Variants in CLMP observed in about 807,000 individuals in gnomAD.
CLMP encodes CXADR like cell adhesion molecule.
CLMP carries 27 observed loss-of-function variants against 45.2 expected under a neutral mutation model. The ratio of observed to expected loss-of-function variants is 0.60; its 90% CI spans 0.44 to 0.82. CLMP has a LOEUF of 0.82. CLMP is among the 40% of genes least tolerant of loss of function. The pLI, the probability that CLMP is intolerant of heterozygous loss-of-function variation, is 0.00. For missense variants in CLMP, 403 were observed against 448.4 expected (o/e 0.90, Z 0.91); for synonymous variants, 167 against 171.4 (o/e 0.97, Z 0.20).
intron 2 of CLMP, among the ~76,000 whole-genome samples, chr11:123,094,255 C>T (rs751730326): frequency 1.9e-4 from 29 of 152,226 alleles, no homozygotes; most frequent in South Asian, 6.2e-4. Context: ...TATAGGCCTG[C>T]GCCACCATGC....
intron 1 of CLMP, among the ~76,000 whole-genome samples, chr11:123,137,115 T>C: frequency 6.6e-6 from 1 of 151,896 alleles, no homozygotes. Context: ...ATGCTGACTT[T>C]TCCTTGCAGA....
At chr11:123,154,264 G>A (rs1025633719) in intron 1 of CLMP, among the ~76,000 whole-genome samples, 13 of 152,040 alleles carry the variant, frequency 8.6e-5, no homozygotes, top group African/African-American at 2.2e-4. Context: ...ACTCTTACTC[G>A]TCAATGAGAA....
At chr11:123,126,199 A>G (rs1467021860) in intron 1 of CLMP, among the ~76,000 whole-genome samples, 6 of 152,276 alleles carry the variant, frequency 3.9e-5, no homozygotes, top group Non-Finnish European at 8.8e-5. Context: ...TCATGCCTAT[A>G]TAGTGTCTCA....
intron 1 of CLMP, among the ~76,000 whole-genome samples, chr11:123,173,799 G>A (rs1183453453): frequency 6.6e-6 from 1 of 152,104 alleles, no homozygotes; most frequent in East Asian, 1.9e-4. Context: ...TTCCAGGCCT[G>A]GGCTGAGTGC....
At chr11:123,113,008 T>C (rs984674445) in intron 1 of CLMP, among the ~76,000 whole-genome samples, 5 of 151,846 alleles carry the variant, frequency 3.3e-5, no homozygotes, top group South Asian at 2.1e-4. Context: ...CTCCTGACCT[T>C]GTGATCTGCC....
intron 1 of CLMP, among the ~76,000 whole-genome samples, chr11:123,136,560 A>ATTTTT (rs34074982): frequency 9.4e-4 from 81 of 85,880 alleles, no homozygotes; most frequent in African/African-American, 3.4e-3. Context: ...CTTTTAAGTA[A>ATTTTT]TTTTTTTTTT....
chr11:123,089,336 G>A (rs558566380), intron 2 of CLMP, among the ~76,000 whole-genome samples: 139 of 151,776 alleles, frequency 9.2e-4, no homozygotes, highest in Non-Finnish European at 5.0e-4. Flanking sequence ...AGTGAGCCGA[G>A]ATCATGCCAC....
At chr11:123,152,246 G>A (rs1253688918) in intron 1 of CLMP, among the ~76,000 whole-genome samples, 3 of 152,004 alleles carry the variant, frequency 2.0e-5, no homozygotes, top group Non-Finnish European at 4.4e-5. Flanking sequence ...CGTGGTGGCC[G>A]GGCACGGTGG....
intron 2 of CLMP, among the ~76,000 whole-genome samples, chr11:123,087,421 A>G (rs543036833): frequency 1.3e-5 from 2 of 152,184 alleles, no homozygotes; most frequent in South Asian, 4.2e-4. Flanking sequence ...AGGCAGCAGA[A>G]TCACTTGAAC....
intron 1 of CLMP, chr11:123,192,941 T>C (rs1861928239): frequency 6.6e-6 from 1 of 152,254 alleles, no homozygotes; most frequent in Non-Finnish European, 1.5e-5. Flanking sequence ...GAGCATTCCA[T>C]GGCTCCAAAC....
intron 1 of CLMP, among the ~76,000 whole-genome samples, chr11:123,152,302 T>A (rs1861346825): frequency 6.6e-6 from 1 of 151,992 alleles, no homozygotes; most frequent in Non-Finnish European, 1.5e-5. Context: ...GATGGGTGGA[T>A]CACGAGGTCA....
At chr11:123,113,152 T>G (rs1392462969) in intron 1 of CLMP, among the ~76,000 whole-genome samples, 1 of 152,236 alleles carries the variant, frequency 6.6e-6, no homozygotes, top group Non-Finnish European at 1.5e-5. Context: ...ACACCCCTTA[T>G]GCTTCCAGTT....
intron 5 of CLMP, among the ~76,000 whole-genome samples, chr11:123,075,049 G>A (rs2135460996): frequency 6.6e-6 from 1 of 151,628 alleles, no homozygotes; most frequent in African/African-American, 2.4e-5. Context: ...TCCACCTCCT[G>A]GGTTCAAGTG....
chr11:123,077,055 A>G lies in CLMP; in HGVS notation c.680-2212T>C, dbSNP rs558183158. Among the ~76,000 whole-genome samples, 55 of 139,838 alleles carry G rather than the reference A, an allele frequency of 3.9e-4. No homozygotes were observed. The South Asian group carries it at 9.8e-3, about 25-fold the overall frequency. 91.7% of individuals were successfully genotyped at this position (139,838 alleles called of 152,430 possible). A position where few individuals can be genotyped will look rare whatever the true frequency, so the allele number is the denominator to read the frequency against. On this transcript the variant is annotated intron_variant, in intron 5 of 6. Coordinates refer to ENST00000448775, the MANE Select transcript of CLMP (RefSeq NM_024769.5). ...CTCTTGTTGCCCAGGCTGGAGTGCA[A>G]TGGCGCGATCTCAGCTCACTGCAAC...
chr11:123,183,473 C>T (rs1262368858), intron 1 of CLMP, among the ~76,000 whole-genome samples: 1 of 152,068 alleles, frequency 6.6e-6, no homozygotes, highest in Admixed American at 6.6e-5. Context: ...TCAAGTGATT[C>T]ACCTACCTCG....
intron 1 of CLMP, among the ~76,000 whole-genome samples, chr11:123,150,372 G>C (rs1356137874): frequency 1.4e-5 from 2 of 146,622 alleles, no homozygotes; most frequent in Non-Finnish European, 3.0e-5. Context: ...CACAGGGGCA[G>C]GTTAAATTAG....
intron 1 of CLMP, among the ~76,000 whole-genome samples, chr11:123,111,994 C>T (rs1312938455): frequency 2.0e-5 from 3 of 152,200 alleles, no homozygotes; most frequent in Middle Eastern, 3.4e-3. Flanking sequence ...TCAAGTGATG[C>T]CCCTGGCTCG....
chr11:123,135,916 G>T (rs11219014), intron 1 of CLMP: 110,107 of 524,930 alleles, frequency 0.21, 13,629 homozygotes, highest in African/African-American at 0.41. Flanking sequence ...GAACATTCAC[G>T]TCCTTAAGAT....
chr11:123,178,289 T>C (rs931916858), intron 1 of CLMP, among the ~76,000 whole-genome samples: 2 of 152,226 alleles, frequency 1.3e-5, no homozygotes, highest in Non-Finnish European at 2.9e-5. Context: ...CCTCCTTTTG[T>C]GCTAAGTCAT....
Sources: allele counts gnomAD v4.1 joint callset (sites outside exome capture counted in the v4.1 genomes callset), GRCh38; gene constraint gnomAD v4.1.1; transcripts MANE v1.5; gene names NCBI Gene and HGNC (gene_info 2026-07-23, HGNC 2026-07-21).